Variants in DOCK8 observed in about 807,000 individuals in gnomAD.
DOCK8 encodes the protein dedicator of cytokinesis protein 8.
DOCK8 carries 141 observed loss-of-function variants against 245.6 expected under a neutral mutation model. That is an observed-to-expected ratio of 0.57 (90% CI 0.50 to 0.66). The LOEUF (loss-of-function observed/expected upper bound fraction) is 0.66, where lower values mean the gene tolerates loss of function less well. Among genes scored for constraint, DOCK8 ranks in the 30% least tolerant of loss-of-function variants. DOCK8 has a pLI of 0.00. For missense variants in DOCK8, 2,965 were observed against 2,603.4 expected, an observed-to-expected ratio of 1.14 and a Z score of -3.02; for synonymous variants, 1,168 against 970.2, an observed-to-expected ratio of 1.20 and a Z score of -3.79.
At chr9:311,285 TAAA>T (rs57814753) in intron 5 of DOCK8, among the ~76,000 whole-genome samples, 2 of 141,730 alleles carry the variant, frequency 1.4e-5, no homozygotes, top group African/African-American at 5.2e-5. Flanking sequence ...ACTCGGTCTT[TAAA>T]AAAAAAAAAA....
At chr9:438,886 G>A in intron 39 of DOCK8, among the ~76,000 whole-genome samples, 1 of 152,204 alleles carries the variant, frequency 6.6e-6, no homozygotes, top group East Asian at 1.9e-4. Flanking sequence ...GTGAAACAGG[G>A]AGCCTAGTTA....
Position 422,130 on chromosome 9 carries a change from A to G in DOCK8, c.4236A>G (p.Leu1412=). 2.5e-6 allele frequency: 4 copies of G among 1,614,002 alleles called. No homozygotes were observed. The highest frequency in any genetic ancestry group is 1.1e-5 in the South Asian group (1 of 91,088). Residue 1412 remains leucine, a synonymous_variant, in exon 33 of 48, where the codon CTA becomes CTG. Transcript: ENST00000432829. ...ATTGGCGGCAAGCTAATGAGAAGCT[A>G]GATAAGTGAGTCACTCGGCAACTTT... ...QTHWRQANEK[L]DKTKAELDQE...
intron 30 of DOCK8, 49 bp from the exon 31 acceptor site, chr9:420,352 T>C: frequency 6.2e-7 from 1 of 1,609,324 alleles, no homozygotes. Flanking sequence ...AATTTTTCTG[T>C]TGCTTGACTT....
chr9:281,522 C>CGGAA (rs1479638580), intron 2 of DOCK8, among the ~76,000 whole-genome samples: 1 of 152,104 alleles, frequency 6.6e-6, no homozygotes, highest in Non-Finnish European at 1.5e-5. Flanking sequence ...TTCCTCATTC[C>CGGAA]CTACCCGACC....
chr9:211,883 C>T (rs965392280), upstream of DOCK8, among the ~76,000 whole-genome samples: 6 of 152,032 alleles, frequency 3.9e-5, no homozygotes, highest in African/African-American at 1.4e-4. Context: ...AAGTAGTGTG[C>T]CACCACCGAC....
chr9:402,167 G>A (rs2055142649), intron 26 of DOCK8, among the ~76,000 whole-genome samples: 1 of 152,208 alleles, frequency 6.6e-6, no homozygotes, highest in African/African-American at 2.4e-5. Context: ...GTAGATATCT[G>A]CCTTCCCTGC....
At chr9:301,815 A>G (rs2130550404) in intron 4 of DOCK8, among the ~76,000 whole-genome samples, 1 of 152,344 alleles carries the variant, frequency 6.6e-6, no homozygotes, top group South Asian at 2.1e-4. Flanking sequence ...CTACAATGAG[A>G]ATTATGAAAC....
chr9:415,665 C>T (rs892045387), intron 29 of DOCK8, among the ~76,000 whole-genome samples: 22 of 130,956 alleles, frequency 1.7e-4, no homozygotes, highest in African/African-American at 6.3e-4. Flanking sequence ...CCACAGCGTA[C>T]GTGTGTGTGC....
chr9:291,879 C>A (rs957152039), intron 4 of DOCK8, among the ~76,000 whole-genome samples: 5 of 150,982 alleles, frequency 3.3e-5, no homozygotes, highest in African/African-American at 1.2e-4. Context: ...CCAGCCTAGG[C>A]AATATACAGA....
At chr9:299,239 C>G (rs1443065625) in intron 4 of DOCK8, among the ~76,000 whole-genome samples, 1 of 152,138 alleles carries the variant, frequency 6.6e-6, no homozygotes, top group Admixed American at 6.5e-5. Context: ...AAAGTTTACC[C>G]AGTCAGCACA....
chr9:218,234 G>A (rs751379895), intron 1 of DOCK8, among the ~76,000 whole-genome samples: 1 of 152,122 alleles, frequency 6.6e-6, no homozygotes, highest in South Asian at 2.1e-4. Context: ...ACTCAGAATA[G>A]TGTAAACTAT....
chr9:319,039 G>A (rs914911707), intron 7 of DOCK8, among the ~76,000 whole-genome samples: 14 of 152,188 alleles, frequency 9.2e-5, no homozygotes, highest in Non-Finnish European at 2.9e-5. Flanking sequence ...ACTCACACCT[G>A]TAATCCCAAC....
intron 5 of DOCK8, among the ~76,000 whole-genome samples, chr9:305,561 A>G (rs2049787830): frequency 6.6e-6 from 1 of 152,224 alleles, no homozygotes. Flanking sequence ...CTGGGATTAC[A>G]GGCATGAGCC....
chr9:365,587 TCAGA>T, intron 14 of DOCK8: 1 of 454,868 alleles, frequency 2.2e-6, no homozygotes, highest in Admixed American at 2.4e-5. Flanking sequence ...TTTTTTTTTT[TCAGA>T]GAAGTCTTCC....
intron 44 of DOCK8, among the ~76,000 whole-genome samples, chr9:446,989 G>A (rs1303111425): frequency 6.6e-6 from 1 of 152,172 alleles, no homozygotes; most frequent in South Asian, 2.1e-4. Context: ...TAGTCGTGCT[G>A]TTAATTATTG....
chr9:294,988 C>T (rs1191054170), intron 4 of DOCK8, among the ~76,000 whole-genome samples: 9 of 152,018 alleles, frequency 5.9e-5, no homozygotes, highest in East Asian at 1.9e-4. Flanking sequence ...GGTGAAACCC[C>T]GTCTCTACTA....
chr9:379,110 A>G (rs1027660344), intron 20 of DOCK8, among the ~76,000 whole-genome samples: 6 of 152,172 alleles, frequency 3.9e-5, no homozygotes, highest in African/African-American at 2.4e-5. Flanking sequence ...ATGGGACAAT[A>G]CAATGACTGC....
chr9:275,703 C>T (rs2048319185), intron 2 of DOCK8, among the ~76,000 whole-genome samples: 1 of 151,914 alleles, frequency 6.6e-6, no homozygotes, highest in Non-Finnish European at 1.5e-5. Flanking sequence ...ATTCTCCTGC[C>T]TCAGCCTCCC....
intron 10 of DOCK8, 139 bp from the exon 11 acceptor site, chr9:334,086 T>A: frequency 1.1e-6 from 1 of 936,938 alleles, no homozygotes; most frequent in South Asian, 1.5e-5. Flanking sequence ...ACTGTTTTTA[T>A]TTTTTAGTGG....
Sources: allele counts gnomAD v4.1 joint callset (sites outside exome capture counted in the v4.1 genomes callset), GRCh38; gene constraint gnomAD v4.1.1; transcripts MANE v1.5; gene names NCBI Gene and HGNC (gene_info 2026-07-23, HGNC 2026-07-21).